TENM2: variants seen among roughly 807,000 people sequenced by gnomAD.
The protein encoded by TENM2 is teneurin transmembrane protein 2, also known as teneurin-2.
A neutral mutation model predicts 245.2 loss-of-function variants in TENM2; 52 were observed. That is an observed-to-expected ratio of 0.21 (90% CI 0.17 to 0.27). TENM2 has a LOEUF of 0.27. TENM2 is among the 10% of genes least tolerant of loss of function. The pLI is 1.00. For missense variants in TENM2, 3,046 were observed against 3,666.8 expected (o/e 0.83, Z 4.37); for synonymous variants, 1,363 against 1,438.9 (o/e 0.95, Z 1.19).
chr5:167,217,147 T>C, the TENM2 span, among the ~76,000 whole-genome samples: 1 of 152,186 alleles, frequency 6.6e-6, no homozygotes, highest in Non-Finnish European at 1.5e-5. Flanking sequence ...TTGTCATGGT[T>C]TCTTAATGAG....
At chr5:167,979,775 G>T (rs992139527) in intron 4 of TENM2, among the ~76,000 whole-genome samples, 4 of 152,132 alleles carry the variant, frequency 2.6e-5, no homozygotes, top group Non-Finnish European at 1.5e-5. Context: ...ACACCAAAGT[G>T]CTCCTTTGAA....
intron 7 of TENM2, among the ~76,000 whole-genome samples, chr5:168,074,796 T>C (rs1033249672): frequency 6.6e-6 from 1 of 152,236 alleles, no homozygotes; most frequent in Non-Finnish European, 1.5e-5. Context: ...TGGCTCCCCC[T>C]GACGTTTTTA....
intron 1 of TENM2, among the ~76,000 whole-genome samples, chr5:167,367,852 TC>T (rs1264453024): frequency 1.3e-5 from 2 of 152,138 alleles, no homozygotes; most frequent in African/African-American, 4.8e-5. Flanking sequence ...TTGATAACTT[TC>T]TATGGGCAAA....
rs533974733 is a variant in TENM2, at chr5:167,904,881, C to G, written c.712+28686C>G. On this transcript the variant is annotated intron_variant, in intron 3 of 28. Transcript: ENST00000518659. ...GTCTTGGGCAAAAGGGACAGTTGGTCACTTTGACTTTAGGGTCTGTGGTTG... is the reference window on the plus strand; with the variant it reads ...GTCTTGGGCAAAAGGGACAGTTGGTGACTTTGACTTTAGGGTCTGTGGTTG... Among the ~76,000 whole-genome samples the G allele has an allele frequency of 3.3e-5, 5 of 152,268 alleles. No individual in the cohort carries two copies. The South Asian group carries it at 1.0e-3, about 32-fold the overall frequency.
rs1325212600 is a variant in TENM2 at position 167,394,616 on chromosome 5, CAG to C, written c.502+19146_502+19147del. Reference sequence around the variant, plus strand: ...GTTAGTTAGTTTTGTTCTTTGGAGACAGAGTCTCACTCTGTCACCCAGGCTGG... The same window carrying C: ...GTTAGTTAGTTTTGTTCTTTGGAGACAGTCTCACTCTGTCACCCAGGCTGG... On this transcript the variant is annotated intron_variant, in intron 2 of 28. Coordinates refer to ENST00000518659, the Ensembl canonical transcript of TENM2. Among the ~76,000 whole-genome samples the C allele has an allele frequency of 2.0e-5, 3 of 151,986 alleles. 1 individual carries two copies. The highest frequency in any genetic ancestry group is 4.1e-4 in the South Asian group (2 of 4,824).
Position 167,982,760 on chromosome 5 carries a change from A to G in TENM2, c.948-10184A>G, listed in dbSNP as rs570341157. Among the ~76,000 whole-genome samples the G allele has an allele frequency of 9.0e-4, 137 of 152,290 alleles. 1 individual carries two copies. The highest frequency in any genetic ancestry group is 3.0e-3 in the African/African-American group (124 of 41,556). On this transcript the variant is annotated intron_variant, in intron 4 of 28. Transcript: ENST00000518659. Reference sequence around the variant, plus strand: ...TTTTGAGCACCTACTATGAAGAGGGAAGGGTACCAGAAAGCAAAAGAGAGA... The same window carrying G: ...TTTTGAGCACCTACTATGAAGAGGGGAGGGTACCAGAAAGCAAAAGAGAGA...
chr5:167,746,710 A>AGAGAGAGAGAGAGAGAGAGAGAGAGAGC (rs761614775), intron 2 of TENM2, among the ~76,000 whole-genome samples: 77 of 144,934 alleles, frequency 5.3e-4, no homozygotes, highest in South Asian at 8.9e-4. Flanking sequence ...AGAGAGAGAG[A>AGAGAGAGAGAGAGAGAGAGAGAGAGAGC]GAGAGCTGGA....
the TENM2 span, among the ~76,000 whole-genome samples, chr5:167,094,212 T>G: frequency 6.6e-6 from 1 of 152,226 alleles, no homozygotes; most frequent in Non-Finnish European, 1.5e-5. Flanking sequence ...TATAATAAAC[T>G]ACACATATTT....
chr5:168,112,956 C>T (rs947425386), intron 9 of TENM2, among the ~76,000 whole-genome samples: 2 of 152,220 alleles, frequency 1.3e-5, no homozygotes, highest in African/African-American at 4.8e-5. Flanking sequence ...ACTATTAGTG[C>T]TATTTTGACG....
chr5:167,339,022 C>T (rs1403602202), intron 1 of TENM2, among the ~76,000 whole-genome samples: 4 of 152,142 alleles, frequency 2.6e-5, no homozygotes, highest in Non-Finnish European at 5.9e-5. Flanking sequence ...GACACAATTC[C>T]ATCCATAGCA....
intron 2 of TENM2, among the ~76,000 whole-genome samples, chr5:167,558,659 G>C (rs1327279265): frequency 6.6e-6 from 1 of 152,184 alleles, no homozygotes; most frequent in Non-Finnish European, 1.5e-5. Context: ...ATCACCCCCT[G>C]ATGGGACCAT....
the TENM2 span, among the ~76,000 whole-genome samples, chr5:167,201,356 A>T: frequency 2.6e-5 from 4 of 152,348 alleles, no homozygotes; most frequent in Non-Finnish European, 4.4e-5. Flanking sequence ...GGGAAAGAAA[A>T]GGAAAAGTCC....
chr5:167,054,018 T>C, the TENM2 span, among the ~76,000 whole-genome samples: 1 of 152,150 alleles, frequency 6.6e-6, no homozygotes, highest in Non-Finnish European at 1.5e-5. Flanking sequence ...TTTGTTACAA[T>C]AGGCAAACTG....
chr5:168,000,050 G>A (rs942780379), intron 5 of TENM2, among the ~76,000 whole-genome samples: 2 of 152,160 alleles, frequency 1.3e-5, no homozygotes, highest in African/African-American at 4.8e-5. Flanking sequence ...TCTCTATAAC[G>A]ATGATCTCTC....
At chr5:168,248,808 T>G (rs1401893320) in intron 27 of TENM2, among the ~76,000 whole-genome samples, 1 of 152,080 alleles carries the variant, frequency 6.6e-6, no homozygotes, top group Non-Finnish European at 1.5e-5. Context: ...TCCTACAGAG[T>G]GATCATGACA....
chr5:167,141,052 T>C, the TENM2 span, among the ~76,000 whole-genome samples: 1 of 152,210 alleles, frequency 6.6e-6, no homozygotes, highest in African/African-American at 2.4e-5. Flanking sequence ...TGTCAGTTTC[T>C]ATGGAGTGCA....
intron 2 of TENM2, among the ~76,000 whole-genome samples, chr5:167,683,713 G>T (rs919470398): frequency 7.2e-5 from 11 of 152,138 alleles, no homozygotes; most frequent in African/African-American, 2.7e-4. Flanking sequence ...CAAAAGCATG[G>T]AAAGAGGTTT....
At chr5:168,074,199 C>T (rs1441759122) in intron 7 of TENM2, among the ~76,000 whole-genome samples, 2 of 152,140 alleles carry the variant, frequency 1.3e-5, no homozygotes, top group African/African-American at 2.4e-5. Context: ...ATTTCCCCTA[C>T]ATCACCCCCC....
chr5:167,539,580 G>A (rs1351673950), intron 2 of TENM2, among the ~76,000 whole-genome samples: 2 of 152,146 alleles, frequency 1.3e-5, no homozygotes, highest in Non-Finnish European at 2.9e-5. Context: ...TTGGAGAAAG[G>A]TTTCCTACCT....
Sources: allele counts gnomAD v4.1 joint callset (sites outside exome capture counted in the v4.1 genomes callset), GRCh38; gene constraint gnomAD v4.1.1; transcripts MANE v1.5; gene names NCBI Gene and HGNC (gene_info 2026-07-23, HGNC 2026-07-21).